The following MYO9A variants were observed in gnomAD, a reference collection of about 807,000 sequenced individuals.
The protein encoded by MYO9A is unconventional myosin-IXa.
Under a neutral mutation model 293.3 loss-of-function variants are expected in MYO9A, and 103 were observed. The observed-to-expected ratio is 0.35, with a 90% CI of 0.30 to 0.41. The LOEUF (loss-of-function observed/expected upper bound fraction) is 0.41, where lower values mean the gene tolerates loss of function less well. Among genes scored for constraint, MYO9A ranks in the 10% least tolerant of loss-of-function variants. The pLI, the probability that MYO9A is intolerant of heterozygous loss-of-function variation, is 1.00. For synonymous variants in MYO9A, 1,001 were observed against 1,035.7 expected (o/e 0.97, Z 0.64); for missense variants, 2,685 against 3,033.0 (o/e 0.89, Z 2.69).
rs183586566 is a variant in MYO9A, at chr15:71,914,444, G to A, written c.2685+1926C>T. The stretch of plus-strand genomic sequence containing the variant: ...AGCATTCAAGGAAGGGCACAAAGAC[G>A]GCTGGGTGCCATCCATTTTGACTAC... On this transcript the variant is annotated intron_variant, in intron 19 of 41. Coordinates refer to ENST00000356056, the MANE Select transcript of MYO9A (RefSeq NM_006901.4). Among the ~76,000 whole-genome samples the A allele has an allele frequency of 9.9e-5, 15 of 152,234 alleles. No homozygotes were observed. The South Asian group carries it at 1.2e-3, about 13-fold the overall frequency.
intron 41 of MYO9A, 41 bp downstream of exon 41, chr15:71,827,843 C>T (rs764508021): frequency 1.3e-6 from 2 of 1,571,340 alleles, no homozygotes; most frequent in South Asian, 1.2e-5. Flanking sequence ...TCCTCCTTTG[C>T]AAAACAAATC....
intron 40 of MYO9A, 122 bp downstream of exon 40, chr15:71,829,987 G>A: frequency 2.9e-6 from 3 of 1,032,140 alleles, no homozygotes; most frequent in Non-Finnish European, 4.4e-6. Context: ...AACATCTCCT[G>A]TATCATCTGA....
rs1349840198 is a variant in MYO9A at position 71,901,293 on chromosome 15, G to A, written c.3048C>T (p.His1016=). ...QERQHLQDLL[H]QEVLRRIILL... ...ATATGATTCTGCGGAGCACCTCTTG[G>A]TGAAGCAGATCTTGTAAGTGCTGTC... The change falls in exon 23 of 42, where the codon CAC becomes CAT. Residue 1016 remains histidine, a synonymous_variant. Transcript: ENST00000356056. 1.2e-6 allele frequency: 2 copies of A among 1,613,808 alleles called. No individual in the cohort carries two copies. Among genetic ancestry groups the A allele is most frequent in the Admixed American group, 3.3e-5 (2 of 59,952 alleles).
intron 21 of MYO9A, among the ~76,000 whole-genome samples, chr15:71,903,657 T>C (rs892554283): frequency 3.3e-5 from 5 of 152,226 alleles, no homozygotes; most frequent in Admixed American, 2.0e-4. Context: ...GTGCAAAGAA[T>C]TGTTATATCA....
At chr15:72,034,763 C>T (rs1212291643) in intron 2 of MYO9A, among the ~76,000 whole-genome samples, 4 of 152,108 alleles carry the variant, frequency 2.6e-5, no homozygotes, top group Non-Finnish European at 4.4e-5. Context: ...AAAATAAAAC[C>T]GTGGGCTTGG....
At position 71,823,801 on chromosome 15, in the gene MYO9A, G is replaced by C. The variant is rs1203310511; in HGVS notation, c.*2779C>G. On this transcript the variant is annotated 3_prime_UTR_variant, in exon 42 of 42. Coordinates refer to ENST00000356056, the MANE Select transcript of MYO9A (RefSeq NM_006901.4). ...GCATTTTGGAGTATGGGCTCCAAAT[G>C]TGGAGCTGCCCCACTGCTGCCATGC... is the stretch of plus-strand genomic sequence containing the variant. The C allele has an allele frequency of 1.3e-5, 2 of 152,222 alleles. No homozygotes were observed. The highest frequency in any genetic ancestry group is 2.9e-5 in the Non-Finnish European group (2 of 68,042). The allele number at this position is 152,222 out of a possible 1,614,324, so 9.4% of individuals were successfully genotyped here.
chr15:71,848,984 A>G lies in MYO9A; in HGVS notation c.6714-16T>C, dbSNP rs896587584. 1 of 1,574,896 alleles carries G rather than the reference A, an allele frequency of 6.3e-7. No individual in the cohort carries two copies. Among genetic ancestry groups the G allele is most frequent in the African/African-American group, 1.4e-5 (1 of 72,742 alleles). On this transcript the variant is annotated splice_polypyrimidine_tract_variant and intron_variant, in intron 38 of 41. Transcript: ENST00000356056. ...TTCCACACAACTGAAACAGAAGGAA[A>G]GAGAAAAAAACTGTTAAGAGGTGAA...
intron 1 of MYO9A, among the ~76,000 whole-genome samples, chr15:72,087,097 T>C (rs1399313484): frequency 6.6e-6 from 1 of 152,134 alleles, no homozygotes; most frequent in Non-Finnish European, 1.5e-5. Context: ...CTCTCTGCCA[T>C]TCAAGTGTGG....
intron 11 of MYO9A, among the ~76,000 whole-genome samples, chr15:71,990,611 C>T (rs1448334961): frequency 2.0e-5 from 3 of 151,962 alleles, no homozygotes; most frequent in Non-Finnish European, 4.4e-5. Flanking sequence ...AAAAAATTAG[C>T]CGGGCATGGT....
At chr15:72,060,388 G>C (rs1378690062) in intron 1 of MYO9A, among the ~76,000 whole-genome samples, 1 of 150,754 alleles carries the variant, frequency 6.6e-6, no homozygotes, top group Non-Finnish European at 1.5e-5. Context: ...AGTCTTATTA[G>C]AAAATAAAAA....
At chr15:71,862,216 A>T (rs532332904) in intron 33 of MYO9A, among the ~76,000 whole-genome samples, 2 of 152,294 alleles carry the variant, frequency 1.3e-5, no homozygotes, top group East Asian at 3.9e-4. Flanking sequence ...AGAAGGTGAG[A>T]TGTGAGTGTA....
intron 1 of MYO9A, among the ~76,000 whole-genome samples, chr15:72,083,672 T>C (rs907686088): frequency 6.6e-6 from 1 of 152,234 alleles, no homozygotes; most frequent in African/African-American, 2.4e-5. Flanking sequence ...TTACACTGCA[T>C]TAGCTGTGTT....
intron 6 of MYO9A, among the ~76,000 whole-genome samples, chr15:72,017,886 T>C (rs1210000712): frequency 6.6e-6 from 1 of 152,060 alleles, no homozygotes; most frequent in Admixed American, 6.6e-5. Flanking sequence ...AAGAAAAAAA[T>C]TTTTGTGTTC....
intron 15 of MYO9A, among the ~76,000 whole-genome samples, chr15:71,941,148 A>G (rs181127662): frequency 6.6e-6 from 1 of 152,280 alleles, no homozygotes; most frequent in Non-Finnish European, 1.5e-5. Context: ...AAAAATCATC[A>G]GATCTGGTCA....
chr15:71,845,492 A>G (rs1264707360), intron 39 of MYO9A, among the ~76,000 whole-genome samples: 1 of 152,220 alleles, frequency 6.6e-6, no homozygotes, highest in Non-Finnish European at 1.5e-5. Flanking sequence ...ACCATTTCAC[A>G]GGGTCTACAA....
intron 14 of MYO9A, among the ~76,000 whole-genome samples, chr15:71,953,873 T>TTTTGTTTTG (rs2059115841): frequency 6.8e-6 from 1 of 147,428 alleles, no homozygotes; most frequent in Non-Finnish European, 1.5e-5. Context: ...ATCAACTGTT[T>TTTTGTTTTG]TTTTGTTTTG....
At chr15:72,047,870 C>T (rs1266816716) in intron 1 of MYO9A, among the ~76,000 whole-genome samples, 2 of 144,136 alleles carry the variant, frequency 1.4e-5, no homozygotes, top group East Asian at 4.4e-4. Context: ...CTCCATCACC[C>T]GGGCTCAGGT....
intron 39 of MYO9A, among the ~76,000 whole-genome samples, chr15:71,835,706 A>C (rs2054912573): frequency 6.6e-6 from 1 of 152,168 alleles, no homozygotes; most frequent in African/African-American, 2.4e-5. Context: ...CCAGAAGGCA[A>C]TCTATAGATC....
chr15:72,106,339 AT>A (rs2080567937), intron 1 of MYO9A, among the ~76,000 whole-genome samples: 1 of 152,102 alleles, frequency 6.6e-6, no homozygotes, highest in African/African-American at 2.4e-5. Flanking sequence ...ATTTAAAAAA[AT>A]AATTAGGAAG....
Sources: allele counts gnomAD v4.1 joint callset (sites outside exome capture counted in the v4.1 genomes callset), GRCh38; gene constraint gnomAD v4.1.1; transcripts MANE v1.5; gene names NCBI Gene and HGNC (gene_info 2026-07-23, HGNC 2026-07-21).